WIPF3: variants seen among roughly 807,000 people sequenced by gnomAD.
WIPF3 encodes WAS/WASL interacting protein family member 3, also known as WAS/WASL-interacting protein family member 3.
WIPF3 carries 33 observed loss-of-function variants against 38.9 expected under a neutral mutation model. That is an observed-to-expected ratio of 0.85 (90% CI 0.64 to 1.14). WIPF3 has a LOEUF of 1.14. Among genes scored for constraint, WIPF3 ranks in the 50% most tolerant of loss-of-function variants. WIPF3 has a pLI of 0.00. For synonymous variants in WIPF3, 324 were observed against 269.3 expected, an observed-to-expected ratio of 1.20 and a Z score of -1.99; for missense variants, 711 against 652.5, an observed-to-expected ratio of 1.09 and a Z score of -0.98.
intron 2 of WIPF3, among the ~76,000 whole-genome samples, chr7:29,841,360 CT>C (rs990456576): frequency 6.6e-6 from 1 of 152,136 alleles, no homozygotes; most frequent in Non-Finnish European, 1.5e-5. Flanking sequence ...AGCATCTTTT[CT>C]TTTTTCAAGA....
In WIPF3 at chr7:29,823,478, A is replaced by C. The variant is rs1784570998; in HGVS notation, c.-57-11190A>C. On this transcript the variant is annotated intron_variant, in intron 1 of 8. Transcript: ENST00000242140. This position sits in a 1 kb window ranked among gnomAD's most constrained non-coding sequence, Gnocchi z 4.0. ...GCAATATTTTTCTTTAATAATCATTAAGATGATATCTCATTTCTAGATTCA... is the reference window on the plus strand; with the variant it reads ...GCAATATTTTTCTTTAATAATCATTCAGATGATATCTCATTTCTAGATTCA... Among the ~76,000 whole-genome samples the C allele has an allele frequency of 6.6e-6, 1 of 152,238 alleles. No individual in the cohort carries two copies. The highest frequency in any genetic ancestry group is 1.5e-5 in the Non-Finnish European group (1 of 68,052).
chr7:29,901,889 C>G, intron 7 of WIPF3, among the ~76,000 whole-genome samples: 1 of 150,480 alleles, frequency 6.6e-6, no homozygotes, highest in Admixed American at 6.6e-5. Context: ...GTGGGAATTG[C>G]TAACCTATGG....
rs148373439 is a variant in WIPF3 at position 29,852,765 on chromosome 7, G to A, written c.90+17951G>A. On this transcript the variant is annotated intron_variant, in intron 2 of 8. Transcript: ENST00000242140. ...CAGGATTTCTAACACAGACCCAGTG[G>A]TGATGGCTGAGTTTCAGGTTGGGAG... 5.5e-3 allele frequency among the ~76,000 whole-genome samples: 841 copies of A among 152,322 alleles called. 9 individuals carry two copies. The highest frequency in any genetic ancestry group is 0.019 in the African/African-American group (779 of 41,568).
At chr7:29,840,551 A>T (rs1222033868) in intron 2 of WIPF3, among the ~76,000 whole-genome samples, 1 of 152,256 alleles carries the variant, frequency 6.6e-6, no homozygotes, top group Non-Finnish European at 1.5e-5. Flanking sequence ...TGAATACATG[A>T]ATGAATGAAC....
intron 7 of WIPF3, among the ~76,000 whole-genome samples, chr7:29,897,026 ACT>A (rs1786159059): frequency 6.6e-6 from 1 of 151,682 alleles, no homozygotes; most frequent in Admixed American, 6.6e-5. Flanking sequence ...ATACCCTTCT[ACT>A]CTCTGTCTCT....
intron 1 of WIPF3, among the ~76,000 whole-genome samples, chr7:29,813,139 C>T (rs1784405624): frequency 6.6e-6 from 1 of 152,202 alleles, no homozygotes. Context: ...TTTCTTCTTC[C>T]CCATCCCAGA....
chr7:29,887,044 G>C (rs1248181082), intron 5 of WIPF3, among the ~76,000 whole-genome samples: 1 of 152,204 alleles, frequency 6.6e-6, no homozygotes, highest in East Asian at 1.9e-4. Flanking sequence ...AAGATGAGCA[G>C]ATGCTGAAGG....
chr7:29,837,227 G>T (rs545751010), intron 2 of WIPF3, among the ~76,000 whole-genome samples: 1 of 151,480 alleles, frequency 6.6e-6, no homozygotes, highest in East Asian at 2.0e-4. Flanking sequence ...ATGGTGGTGG[G>T]CGCCTGTAGT....
chr7:29,826,312 C>T (rs1562771447), intron 1 of WIPF3, among the ~76,000 whole-genome samples: 1 of 152,112 alleles, frequency 6.6e-6, no homozygotes, highest in Non-Finnish European at 1.5e-5. Flanking sequence ...TCCACAGTGT[C>T]GGCCTTACGC....
At chr7:29,834,884 T>A in intron 2 of WIPF3, 70 bp downstream of exon 2, 1 of 1,499,940 alleles carries the variant, frequency 6.7e-7, no homozygotes, top group Non-Finnish European at 8.9e-7. Flanking sequence ...GCAGAAGGTT[T>A]TAAATGTTCA....
chr7:29,848,439 A>G (rs916740748), intron 2 of WIPF3, among the ~76,000 whole-genome samples: 3 of 152,168 alleles, frequency 2.0e-5, no homozygotes, highest in Non-Finnish European at 4.4e-5. Flanking sequence ...CGTGATACTC[A>G]TGCAAGAATT....
chr7:29,834,735 C>T lies in WIPF3; in HGVS notation c.11C>T (p.Pro4Leu). 2 of 1,513,958 alleles carry T rather than the reference C, an allele frequency of 1.3e-6. No homozygotes were observed. The highest frequency in any genetic ancestry group is 1.4e-5 in the African/African-American group (1 of 72,014). The allele number at this position is 1,513,958 out of a possible 1,614,324, so 93.8% of individuals were successfully genotyped here. MPVPPPPPPPLPPP... is the reference protein window; with the variant it reads MPVLPPPPPPLPPP... ...TCAACACCGTGACACATGCCAGTGC[C>T]ACCGCCACCCCCACCTCCTCTGCCT... The change falls in exon 2 of 9, where the codon CCA becomes CTA. Residue 4 changes from proline (P) to leucine (L), a missense_variant. By Grantham distance (98) the Pro-to-Leu change is moderately conservative. Coordinates refer to ENST00000242140, the MANE Select transcript of WIPF3 (RefSeq NM_001080529.3).
chr7:29,879,961 G>A (rs192758055), intron 4 of WIPF3, among the ~76,000 whole-genome samples: 23 of 152,276 alleles, frequency 1.5e-4, no homozygotes, highest in Middle Eastern at 3.4e-3. Context: ...CAAGGATGGG[G>A]AAATAGACTT....
chr7:29,880,453 A>G (rs1437367154), intron 4 of WIPF3, among the ~76,000 whole-genome samples: 3 of 152,220 alleles, frequency 2.0e-5, no homozygotes, highest in Non-Finnish European at 4.4e-5. Flanking sequence ...TTAGCAGGAA[A>G]GGTAGAGTAC....
At chr7:29,899,738 C>T (rs1434989473) in intron 7 of WIPF3, among the ~76,000 whole-genome samples, 1 of 151,992 alleles carries the variant, frequency 6.6e-6, no homozygotes, top group East Asian at 1.9e-4. Context: ...AAAATGTTTA[C>T]CTTTTTACGT....
chr7:29,857,496 A>T (rs1785204232), intron 2 of WIPF3, among the ~76,000 whole-genome samples: 1 of 151,988 alleles, frequency 6.6e-6, no homozygotes. Context: ...CTGGTTTATA[A>T]GATGTCTGAT....
chr7:29,914,045 G>A (rs912122636), intron 8 of WIPF3, among the ~76,000 whole-genome samples: 1 of 152,198 alleles, frequency 6.6e-6, no homozygotes, highest in African/African-American at 2.4e-5. Context: ...AAATCACTGG[G>A]TTCTAGACAT....
intron 2 of WIPF3, among the ~76,000 whole-genome samples, chr7:29,875,469 A>G (rs1168238643): frequency 6.6e-6 from 1 of 152,162 alleles, no homozygotes; most frequent in African/African-American, 2.4e-5. Context: ...GGCACCAAGC[A>G]GGATGATCAT....
At chr7:29,822,123 GTTTTTTT>G in intron 1 of WIPF3, among the ~76,000 whole-genome samples, 3 of 62,876 alleles carry the variant, frequency 4.8e-5, no homozygotes, top group Non-Finnish European at 8.7e-5. Flanking sequence ...TTTTTTCTTA[GTTTTTTT>G]TTTTTTTTTT....
Sources: gnomAD v4.1 joint callset for allele counts (sites outside exome capture counted in the v4.1 genomes callset) on GRCh38, gnomAD v4.1.1 for gene constraint, Gnocchi (gnomAD v3.1) non-coding constraint, MANE v1.5 for transcripts, NCBI Gene and HGNC (gene_info 2026-07-23, HGNC 2026-07-21) for gene names.